ADGRB3: variants seen among roughly 807,000 people sequenced by gnomAD.
ADGRB3 encodes adhesion G protein-coupled receptor B3.
In ADGRB3, 37 loss-of-function variants were observed where a neutral mutation model predicts 193.4. The ratio of observed to expected loss-of-function variants is 0.19; its 90% CI spans 0.15 to 0.25. The LOEUF is 0.25. Among genes scored for constraint, ADGRB3 ranks in the 10% least tolerant of loss-of-function variants. The pLI, the probability that ADGRB3 is intolerant of heterozygous loss-of-function variation, is 1.00. For missense variants in ADGRB3, 1,637 were observed against 1,852.9 expected, an observed-to-expected ratio of 0.88 and a Z score of 2.14; for synonymous variants, 690 against 644.2, an observed-to-expected ratio of 1.07 and a Z score of -1.08.
intron 24 of ADGRB3, 36 bp from the exon 25 acceptor site, chr6:69,338,880 T>G: frequency 6.3e-7 from 1 of 1,578,968 alleles, no homozygotes; most frequent in Non-Finnish European, 8.6e-7. Flanking sequence ...CAATTCAATA[T>G]TTTGTTCTTT....
intron 3 of ADGRB3, among the ~76,000 whole-genome samples, chr6:68,674,113 T>A (rs1445283290): frequency 6.6e-6 from 1 of 152,164 alleles, no homozygotes; most frequent in African/African-American, 2.4e-5. Context: ...TAGGATATGA[T>A]GACCTTAAGA....
intron 26 of ADGRB3, among the ~76,000 whole-genome samples, chr6:69,342,008 G>A (rs909113193): frequency 2.0e-5 from 3 of 152,050 alleles, no homozygotes; most frequent in Admixed American, 1.3e-4. Flanking sequence ...ATATTATGAT[G>A]GCTAATTATC....
intron 3 of ADGRB3, among the ~76,000 whole-genome samples, chr6:68,874,771 C>T (rs913784264): frequency 2.0e-5 from 3 of 152,052 alleles, no homozygotes; most frequent in South Asian, 2.1e-4. Context: ...TCAAACTCTT[C>T]GCTATTTTCA....
intron 3 of ADGRB3, among the ~76,000 whole-genome samples, chr6:68,871,161 CT>C (rs1765444955): frequency 6.6e-6 from 1 of 152,096 alleles, no homozygotes; most frequent in Non-Finnish European, 1.5e-5. Context: ...TTGTTTTATT[CT>C]TATGAACAAC....
At chr6:69,232,649 C>G (rs1766168509) in intron 17 of ADGRB3, 1 of 1,531,316 alleles carries the variant, frequency 6.5e-7, no homozygotes, top group Non-Finnish European at 8.7e-7. Flanking sequence ...CCACCCCTCC[C>G]CTGGATACCA....
intron 3 of ADGRB3, among the ~76,000 whole-genome samples, chr6:68,675,868 A>C (rs1479330981): frequency 6.6e-6 from 1 of 152,184 alleles, no homozygotes; most frequent in Non-Finnish European, 1.5e-5. Context: ...TCTCCCAATC[A>C]TCAAAACCCC....
chr6:69,072,594 A>G (rs1371905329), intron 16 of ADGRB3, among the ~76,000 whole-genome samples: 1 of 152,146 alleles, frequency 6.6e-6, no homozygotes, highest in Non-Finnish European at 1.5e-5. Flanking sequence ...TATAGTCCGT[A>G]TCTTATATTA....
At chr6:68,724,705 C>T (rs150274273) in intron 3 of ADGRB3, among the ~76,000 whole-genome samples, 1 of 149,668 alleles carries the variant, frequency 6.7e-6, no homozygotes, top group African/African-American at 2.4e-5. Flanking sequence ...CCTGAAGATT[C>T]CTTATAAAGA....
intron 3 of ADGRB3, among the ~76,000 whole-genome samples, chr6:68,789,287 T>C (rs1359296215): frequency 6.6e-6 from 1 of 152,238 alleles, no homozygotes; most frequent in East Asian, 1.9e-4. Context: ...TTGCAGTGGC[T>C]GGTACCAGTT....
intron 13 of ADGRB3, among the ~76,000 whole-genome samples, chr6:69,045,788 TTAA>T (rs1381393583): frequency 2.8e-4 from 43 of 152,292 alleles, no homozygotes; most frequent in Non-Finnish European, 5.6e-4. Context: ...CCTACTGTAG[TTAA>T]TAAATACGTG....
In ADGRB3 at chr6:69,029,473, T is replaced by G. The variant is rs115493183; in HGVS notation, c.2107+10974T>G. Among the ~76,000 whole-genome samples the G allele has an allele frequency of 5.8e-3, 881 of 152,316 alleles. 9 individuals are homozygous for G. Among genetic ancestry groups the G allele is most frequent in the African/African-American group, 0.02 (816 of 41,578 alleles). On this transcript the variant is annotated intron_variant, in intron 13 of 31. Coordinates refer to ENST00000370598, the MANE Select transcript of ADGRB3 (RefSeq NM_001704.3). ...AGGCACATAATTTCTTTTGAATTTT[T>G]TATTTACTAAGAAAATACTCATAGT... is the stretch of plus-strand genomic sequence containing the variant.
chr6:69,068,776 A>G (rs542601423), intron 16 of ADGRB3, among the ~76,000 whole-genome samples: 5 of 152,196 alleles, frequency 3.3e-5, no homozygotes, highest in Non-Finnish European at 7.3e-5. Context: ...AGCAGAAGTG[A>G]TATTAAATAT....
At chr6:68,820,434 G>A (rs1767728271) in intron 3 of ADGRB3, among the ~76,000 whole-genome samples, 1 of 151,844 alleles carries the variant, frequency 6.6e-6, no homozygotes, top group African/African-American at 2.4e-5. Context: ...ATGTGTAACG[G>A]TCACACCAGG....
intron 3 of ADGRB3, among the ~76,000 whole-genome samples, chr6:68,676,798 A>G (rs1456636590): frequency 6.6e-6 from 1 of 152,194 alleles, no homozygotes; most frequent in African/African-American, 2.4e-5. Flanking sequence ...AACAGGACTC[A>G]TGTGGCACCT....
At chr6:69,350,810 A>T (rs562823569) in intron 26 of ADGRB3, among the ~76,000 whole-genome samples, 1 of 151,966 alleles carries the variant, frequency 6.6e-6, no homozygotes, top group Non-Finnish European at 1.5e-5. Context: ...CTTGTTTGAA[A>T]CATAGACTTG....
chr6:68,975,825 A>G (rs1488150631), intron 10 of ADGRB3, among the ~76,000 whole-genome samples: 2 of 152,198 alleles, frequency 1.3e-5, no homozygotes, highest in Non-Finnish European at 1.5e-5. Context: ...AGAGAAACTT[A>G]ATTACTCCCA....
rs1446835238 is a variant in ADGRB3 at position 69,359,838 on chromosome 6, C to T, written c.3596-1031C>T. Among the ~76,000 whole-genome samples, 3 of 151,794 alleles carry T rather than the reference C, an allele frequency of 2.0e-5. No individual in the cohort carries two copies. The East Asian group carries it at 5.8e-4, about 29-fold the overall frequency. ...ACTTCGCACAGCGCTATTCTGTGTG[C>T]TTTCAATTCCAAAGTTACAAAAATA... is the stretch of plus-strand genomic sequence containing the variant. On this transcript the variant is annotated intron_variant, in intron 28 of 31. Transcript: ENST00000370598.
At chr6:69,236,050 C>A (rs1301387073) in intron 19 of ADGRB3, among the ~76,000 whole-genome samples, 1 of 151,798 alleles carries the variant, frequency 6.6e-6, no homozygotes, top group Non-Finnish European at 1.5e-5. Flanking sequence ...GTAGATATTT[C>A]TGCCTCAGAA....
intron 30 of ADGRB3, among the ~76,000 whole-genome samples, chr6:69,378,738 G>C (rs1416350969): frequency 1.3e-5 from 2 of 151,960 alleles, no homozygotes; most frequent in African/African-American, 4.8e-5. Context: ...CATTTCTCTA[G>C]ATCCAACTTG....
Sources: allele counts gnomAD v4.1 joint callset (sites outside exome capture counted in the v4.1 genomes callset), GRCh38; gene constraint gnomAD v4.1.1; transcripts MANE v1.5; gene names NCBI Gene and HGNC (gene_info 2026-07-23, HGNC 2026-07-21).